The following AKT1 variants were observed in gnomAD, a reference collection of about 807,000 sequenced individuals.
The protein encoded by AKT1 is RAC-alpha serine/threonine-protein kinase.
AKT1 carries 21 observed loss-of-function variants against 63.1 expected under a neutral mutation model. The observed-to-expected ratio is 0.33, with a 90% CI of 0.24 to 0.48. The LOEUF (loss-of-function observed/expected upper bound fraction) is 0.48, where lower values mean the gene tolerates loss of function less well. AKT1 is among the 20% of genes least tolerant of loss of function. The probability of loss-of-function intolerance (pLI) is 0.99; values close to 1 mark genes in which losing one functional copy is unlikely to be tolerated. For synonymous variants in AKT1, 257 were observed against 253.1 expected, an observed-to-expected ratio of 1.02 and a Z score of -0.15; for missense variants, 382 against 666.0, an observed-to-expected ratio of 0.57 and a Z score of 4.69.
chr14:104,792,383 C>T (rs546421601), intron 3 of AKT1, among the ~76,000 whole-genome samples: 4 of 152,016 alleles, frequency 2.6e-5, no homozygotes, highest in Non-Finnish European at 5.9e-5. Flanking sequence ...CTCAGATGGC[C>T]GGCCCTGCAC....
intron 2 of AKT1, 130 bp downstream of exon 2, chr14:104,792,997 G>A: frequency 4.7e-6 from 2 of 425,348 alleles, no homozygotes; most frequent in Non-Finnish European, 8.7e-6. Flanking sequence ...AGAGCCTCCA[G>A]CCCCTGCCAC....
rs1415760885 is a variant in AKT1 at position 104,773,390 on chromosome 14, G to T, written c.829-11C>A. 1 of 1,614,052 alleles carries T rather than the reference G, an allele frequency of 6.2e-7. No homozygotes were observed. The highest frequency in any genetic ancestry group is 8.5e-7 in the Non-Finnish European group (1 of 1,180,004). ...CATGAGGTTCTCCAGCTAGGGGAAA[G>T]GTGGCCTCAGGTCAGTGCCGCCAGG... On this transcript the variant is annotated splice_polypyrimidine_tract_variant and intron_variant, in intron 10 of 14. Coordinates refer to ENST00000649815, the MANE Select transcript of AKT1 (RefSeq NM_001382430.1).
chr14:104,777,354 ACACAC>A (rs1166758507), intron 4 of AKT1: 1 of 227,256 alleles, frequency 4.4e-6, no homozygotes, highest in African/African-American at 2.6e-5. Flanking sequence ...TGGGGCACAC[ACACAC>A]TGGAGGCAAA....
At chr14:104,776,569 G>C in intron 5 of AKT1, 90 bp downstream of exon 5, 2 of 1,147,518 alleles carry the variant, frequency 1.7e-6, no homozygotes, top group Non-Finnish European at 2.5e-6. Flanking sequence ...GATGGCTACA[G>C]GCAGAGGTGC....
chr14:104,771,043 G>T, intron 13 of AKT1, 196 bp from the exon 14 acceptor site: 1 of 589,958 alleles, frequency 1.7e-6, no homozygotes, highest in South Asian at 2.1e-5. Flanking sequence ...GCAGGAGCAC[G>T]GAGACAACCC....
chr14:104,776,507 G>A, intron 5 of AKT1, 152 bp downstream of exon 5: 1 of 626,944 alleles, frequency 1.6e-6, no homozygotes, highest in South Asian at 2.0e-5. Context: ...GCAGGACTGG[G>A]CCAGTTTCCA....
At chr14:104,774,798 AG>A in intron 8 of AKT1, 139 bp downstream of exon 8, 1 of 919,506 alleles carries the variant, frequency 1.1e-6, no homozygotes, top group Non-Finnish European at 1.6e-6. Context: ...CCTCCAGGGC[AG>A]GCCTGTCTCA....
chr14:104,775,518 T>C (rs770303975), intron 6 of AKT1, 134 bp downstream of exon 6: 766 of 1,325,204 alleles, frequency 5.8e-4, no homozygotes, highest in Non-Finnish European at 7.3e-4. Context: ...GCGCCCTACA[T>C]GGAAAACCGG....
At chr14:104,781,273 T>C (rs1309963105) in intron 3 of AKT1, among the ~76,000 whole-genome samples, 2 of 151,512 alleles carry the variant, frequency 1.3e-5, no homozygotes, top group African/African-American at 4.9e-5. Context: ...GGGGTTGGGG[T>C]CCCTGAGCTC....
chr14:104,769,511 CAG>C lies in AKT1; in HGVS notation c.*828_*829del, dbSNP rs1892256238. The C allele has an allele frequency of 1.3e-5, 7 of 531,454 alleles. No homozygotes were observed. The highest frequency in any genetic ancestry group is 9.2e-5 in the South Asian group (6 of 64,932). 32.9% of individuals were successfully genotyped at this position (531,454 alleles called of 1,614,324 possible). A position where few individuals can be genotyped will look rare whatever the true frequency, so the allele number is the denominator to read the frequency against. ...AGGGGCCCAGGGATGGCCACCCCCA[CAG>C]GGAGTCAGGGAGGGCCTGGGGCGAC... On this transcript the variant is annotated 3_prime_UTR_variant, in exon 15 of 15. Coordinates refer to ENST00000649815, the MANE Select transcript of AKT1 (RefSeq NM_001382430.1).
rs911689817 is a variant in AKT1, at chr14:104,772,437, G to A, written c.1188C>T (p.Ser396=). Residue 396 remains serine (S), a synonymous_variant, in exon 13 of 15, where the codon TCC becomes TCT. Coordinates refer to ENST00000649815, the MANE Select transcript of AKT1 (RefSeq NM_001382430.1). ...GCTGCATGATCTCCTTGGCGTCCTC[G>A]GAGCCCCCGCCAAGCCTGCAGGCAG... is the stretch of plus-strand genomic sequence containing the variant. The part of the protein sequence containing the change: ...KDPKQRLGGG[S]EDAKEIMQHR... 5 of 1,613,478 alleles carry A rather than the reference G, an allele frequency of 3.1e-6. No homozygotes were observed. The highest frequency in any genetic ancestry group is 1.1e-5 in the South Asian group (1 of 91,090).
In AKT1 at chr14:104,773,433, C is replaced by T. The variant is rs747771020; in HGVS notation, c.828+22G>A. 53 of 1,613,816 alleles carry T rather than the reference C, an allele frequency of 3.3e-5. No individual in the cohort carries two copies. The Admixed American group carries it at 8.0e-4, about 24-fold the overall frequency. ...CCGCCAGGCCCCCAGGGCCCTGCCCCCCTGCCTGCCCGCCAGCGCACCTTG... is the reference window on the plus strand; with the variant it reads ...CCGCCAGGCCCCCAGGGCCCTGCCCTCCTGCCTGCCCGCCAGCGCACCTTG... On this transcript the variant is annotated intron_variant, in intron 10 of 14. Coordinates refer to ENST00000649815, the MANE Select transcript of AKT1 (RefSeq NM_001382430.1).
rs200508405 is a variant in AKT1 at position 104,770,335 on chromosome 14, G to A, written c.*6C>T. The A allele has an allele frequency of 5.7e-4, 921 of 1,607,958 alleles. 19 individuals carry two copies. In the South Asian group the frequency reaches 9.6e-3, roughly 17 times the overall value. On this transcript the variant is annotated 3_prime_UTR_variant, in exon 15 of 15. Coordinates refer to ENST00000649815, the MANE Select transcript of AKT1 (RefSeq NM_001382430.1). The stretch of plus-strand genomic sequence containing the variant: ...AAGCTATCGTCCAGCGCAGTCCACC[G>A]CCGCCTCAGGCCGTGCCGCTGGCCG...
Position 104,773,555 on chromosome 14 carries a change from C to T in AKT1, c.728G>A (p.Arg243His), listed in dbSNP as rs1892525199. ...GCGGGCCCGGTCCTCGGAGAACACA[C>T]GCTCCCGGGACAGGTGGAAGAACAG... Reference protein sequence around the residue: ...GELFFHLSRERVFSEDRARFY... With the variant: ...GELFFHLSREHVFSEDRARFY... The change falls in exon 10 of 15, where the codon CGT becomes CAT. Residue 243 changes from arginine (R) to histidine (H), a missense_variant. Around this residue, in one of 3 missense-constraint regions of AKT1, gnomAD observed 226 missense variants for 366.4 expected, o/e 0.62. Coordinates refer to ENST00000649815, the MANE Select transcript of AKT1 (RefSeq NM_001382430.1). 8 of 1,609,398 alleles carry T rather than the reference C, an allele frequency of 5.0e-6. No homozygotes were observed. Among genetic ancestry groups the T allele is most frequent in the Non-Finnish European group, 6.8e-6 (8 of 1,178,302 alleles).
intron 3 of AKT1, among the ~76,000 whole-genome samples, chr14:104,787,340 C>T (rs1893386786): frequency 6.6e-6 from 1 of 152,048 alleles, no homozygotes; most frequent in Non-Finnish European, 1.5e-5. Context: ...GGGGCCCCAG[C>T]GCTGGGCTGG....
At chr14:104,793,425 C>G (rs571141893) in intron 1 of AKT1, 121 bp from the exon 2 acceptor site, 1 of 207,786 alleles carries the variant, frequency 4.8e-6, no homozygotes, top group Non-Finnish European at 9.8e-6. Context: ...AAACCCCAGG[C>G]CCCTCCTAAA....
At chr14:104,772,287 C>T (rs923904853) in intron 13 of AKT1, 78 bp downstream of exon 13, 21 of 1,491,626 alleles carry the variant, frequency 1.4e-5, no homozygotes, top group South Asian at 2.3e-5. Flanking sequence ...GGAAATCTGG[C>T]GAGCGTGCCA....
intron 6 of AKT1, chr14:104,775,430 CAT>C: frequency 9.2e-7 from 1 of 1,090,930 alleles, no homozygotes; most frequent in African/African-American, 1.6e-5. Flanking sequence ...GGTGGGGTAA[CAT>C]TGCCCAAGCC....
In AKT1 at chr14:104,769,836, G is replaced by A. The variant is rs1892276506; in HGVS notation, c.*505C>T. ...TCAGAGACACGGCCTTAGTGCTGGGGGGCTGCTGTGTGCCTGCCACCCCCA... is the reference window on the plus strand; with the variant it reads ...TCAGAGACACGGCCTTAGTGCTGGGAGGCTGCTGTGTGCCTGCCACCCCCA... On this transcript the variant is annotated 3_prime_UTR_variant, in exon 15 of 15. Transcript: ENST00000649815. 3 of 390,748 alleles carry A rather than the reference G, an allele frequency of 7.7e-6. No individual in the cohort carries two copies. In the East Asian group the frequency reaches 1.5e-4, roughly 19 times the overall value. 24.2% of individuals were successfully genotyped at this position (390,748 alleles called of 1,614,324 possible).
Sources: gnomAD v4.1 joint callset for allele counts (sites outside exome capture counted in the v4.1 genomes callset) on GRCh38, gnomAD v4.1.1 for gene constraint, gnomAD v4.1.1 regional missense constraint, MANE v1.5 for transcripts, NCBI Gene and HGNC (gene_info 2026-07-23, HGNC 2026-07-21) for gene names.